The following UTS2 variants were observed in gnomAD, a reference collection of about 807,000 sequenced individuals.
The protein encoded by UTS2 is urotensin-2.
Under a neutral mutation model 12.6 loss-of-function variants are expected in UTS2, and 10 were observed. The observed-to-expected ratio is 0.80, with a 90% CI of 0.49 to 1.35. UTS2 has a LOEUF of 1.35. Ranked by LOEUF, UTS2 falls within the 40% of genes most tolerant of loss-of-function variation. UTS2 has a pLI of 0.00. For synonymous variants in UTS2, 52 were observed against 50.0 expected (o/e 1.04, Z -0.17); for missense variants, 142 against 143.2 (o/e 0.99, Z 0.04).
intron 3 of UTS2, 33 bp downstream of exon 3, chr1:7,849,607 T>C (rs1446054333): frequency 1.6e-5 from 26 of 1,583,266 alleles, no homozygotes; most frequent in Non-Finnish European, 2.2e-5. Context: ...ATGTTCACCT[T>C]TTTAAACCTA....
At chr1:7,849,800 T>C (rs892133205) in intron 2 of UTS2, 117 bp from the exon 3 acceptor site, 12 of 857,494 alleles carry the variant, frequency 1.4e-5, no homozygotes, top group Admixed American at 1.3e-4. Flanking sequence ...TTTTCCACAC[T>C]GCAGCAAGCT....
chr1:7,877,000 C>T, the UTS2 span, among the ~76,000 whole-genome samples: 1 of 151,562 alleles, frequency 6.6e-6, no homozygotes, highest in Non-Finnish European at 1.5e-5. Flanking sequence ...CATGGTGGTG[C>T]ATGCCTGTAG....
chr1:7,872,946 G>A, the UTS2 span, among the ~76,000 whole-genome samples: 19 of 152,176 alleles, frequency 1.2e-4, no homozygotes, highest in African/African-American at 4.6e-4. Flanking sequence ...AGGAGCTAAT[G>A]CAGATGATGA....
chr1:7,852,763 C>T, intron 1 of UTS2, 138 bp downstream of exon 1: 1 of 985,580 alleles, frequency 1.0e-6, no homozygotes, highest in Non-Finnish European at 1.4e-6. Flanking sequence ...CTTTAATATT[C>T]TTTTCAAAGC....
chr1:7,910,664 A>G, the UTS2 span, among the ~76,000 whole-genome samples: 1 of 152,170 alleles, frequency 6.6e-6, no homozygotes, highest in Non-Finnish European at 1.5e-5. Flanking sequence ...GATTTTCAGG[A>G]GCTCTTTAGA....
At chr1:7,852,174 A>G (rs1325041806) in intron 1 of UTS2, among the ~76,000 whole-genome samples, 1 of 152,226 alleles carries the variant, frequency 6.6e-6, no homozygotes, top group African/African-American at 2.4e-5. Context: ...TATTTAAAAA[A>G]AGCCTATTTA....
chr1:7,906,439 G>GAA, the UTS2 span, among the ~76,000 whole-genome samples: 3 of 82,318 alleles, frequency 3.6e-5, no homozygotes, highest in Admixed American at 1.4e-4. Context: ...AAGAAAGAAA[G>GAA]AAAGAAAAAG....
the UTS2 span, among the ~76,000 whole-genome samples, chr1:7,878,933 T>C: frequency 2.6e-5 from 4 of 152,320 alleles, no homozygotes; most frequent in East Asian, 1.9e-4. Flanking sequence ...CATTATATAA[T>C]GATAAAGGGA....
the UTS2 span, among the ~76,000 whole-genome samples, chr1:7,904,549 C>G: frequency 6.6e-6 from 1 of 151,508 alleles, no homozygotes; most frequent in African/African-American, 2.4e-5. Context: ...AGAATATATT[C>G]TGATTATTGC....
At chr1:7,910,713 AT>A in the UTS2 span, among the ~76,000 whole-genome samples, 3 of 151,968 alleles carry the variant, frequency 2.0e-5, no homozygotes, top group Admixed American at 6.6e-5. Flanking sequence ...CCAACAGAAT[AT>A]TTTTTGTTTG....
At chr1:7,866,860 G>A in the UTS2 span, among the ~76,000 whole-genome samples, 1 of 152,046 alleles carries the variant, frequency 6.6e-6, no homozygotes, top group African/African-American at 2.4e-5. This position sits in a 1 kb window ranked among gnomAD's most constrained non-coding sequence, Gnocchi z 4.5. Flanking sequence ...AATTACGTAA[G>A]TTTTTTTGTT....
the UTS2 span, among the ~76,000 whole-genome samples, chr1:7,875,843 T>C: frequency 1.1e-3 from 175 of 152,244 alleles, 6 homozygotes; most frequent in Admixed American, 9.5e-3. Context: ...ACTTTGCCCA[T>C]GGCCTCTGGC....
At chr1:7,880,557 C>A in the UTS2 span, among the ~76,000 whole-genome samples, 4 of 151,956 alleles carry the variant, frequency 2.6e-5, no homozygotes, top group Admixed American at 1.3e-4. Flanking sequence ...CAATTTGGAG[C>A]ACCTAGAGAA....
At chr1:7,911,005 G>A in the UTS2 span, among the ~76,000 whole-genome samples, 6 of 152,112 alleles carry the variant, frequency 3.9e-5, no homozygotes, top group African/African-American at 1.4e-4. Context: ...CTCCCATCTC[G>A]GTGTGAGCCA....
At chr1:7,853,385 C>G, upstream of UTS2, 2 of 1,613,978 alleles carry the variant, frequency 1.2e-6, no homozygotes, top group Non-Finnish European at 1.7e-6. Context: ...TTTATGAGTC[C>G]GAGCAGAAGT....
chr1:7,899,746 G>T, the UTS2 span, among the ~76,000 whole-genome samples: 1 of 152,212 alleles, frequency 6.6e-6, no homozygotes, highest in Non-Finnish European at 1.5e-5. Flanking sequence ...CCACAATTTA[G>T]TGTCTTGAAA....
At chr1:7,910,991 G>A in the UTS2 span, among the ~76,000 whole-genome samples, 1 of 151,934 alleles carries the variant, frequency 6.6e-6, no homozygotes, top group Non-Finnish European at 1.5e-5. Flanking sequence ...GGGCTCAAGC[G>A]ATCCTCCCAT....
At chr1:7,848,716 C>T (rs745362939) in intron 3 of UTS2, among the ~76,000 whole-genome samples, 1 of 152,030 alleles carries the variant, frequency 6.6e-6, no homozygotes, top group Non-Finnish European at 1.5e-5. Flanking sequence ...GACGGGGTTT[C>T]GCTGTGTTGC....
the UTS2 span, among the ~76,000 whole-genome samples, chr1:7,871,550 C>T: frequency 6.6e-6 from 1 of 151,462 alleles, no homozygotes; most frequent in Non-Finnish European, 1.5e-5. Context: ...TATTTATCTT[C>T]ACTCAATTGT....
Sources: gnomAD v4.1 joint callset for allele counts (sites outside exome capture counted in the v4.1 genomes callset) on GRCh38, gnomAD v4.1.1 for gene constraint, Gnocchi (gnomAD v3.1) non-coding constraint, MANE v1.5 for transcripts, NCBI Gene and HGNC (gene_info 2026-07-23, HGNC 2026-07-21) for gene names.